Variants in GFM2 observed in about 807,000 individuals in gnomAD.
The protein encoded by GFM2 is ribosome-releasing factor 2, mitochondrial.
Under a neutral mutation model 95.4 loss-of-function variants are expected in GFM2, and 72 were observed. The observed-to-expected ratio is 0.76, with a 90% CI of 0.62 to 0.92. GFM2 has a LOEUF of 0.92. Among genes scored for constraint, GFM2 ranks in the 40% least tolerant of loss-of-function variants. GFM2 has a pLI of 0.00. For synonymous variants in GFM2, 276 were observed against 317.5 expected (o/e 0.87, Z 1.39); for missense variants, 825 against 924.1 (o/e 0.89, Z 1.39).
chr5:74,722,525 G>C lies in GFM2; in HGVS notation c.2065C>G (p.Leu689Val), dbSNP rs779181943. 1 of 1,613,750 alleles carries C rather than the reference G, an allele frequency of 6.2e-7. No individual in the cohort carries two copies. Among genetic ancestry groups the C allele is most frequent in the South Asian group, 1.1e-5 (1 of 91,000 alleles). ...GCTACTGTAACCTCAAGATTCATCA[G>C]AGGCTCCAAAACTTGCTTATCAGCT... is the stretch of plus-strand genomic sequence containing the variant. ...KKADKQVLEPLMNLEVTVARD... is the reference protein window; with the variant it reads ...KKADKQVLEPVMNLEVTVARD... The change falls in exon 20 of 21, where the codon CTG (leucine) becomes GTG (valine). Residue 689 changes from leucine to valine, a missense_variant. By Grantham distance (32) the Leu-to-Val change is conservative. Coordinates refer to ENST00000296805, the MANE Select transcript of GFM2 (RefSeq NM_032380.5).
intron 12 of GFM2, among the ~76,000 whole-genome samples, chr5:74,739,176 A>G (rs367729665): frequency 6.6e-6 from 1 of 152,160 alleles, no homozygotes; most frequent in Non-Finnish European, 1.5e-5. Flanking sequence ...GGAGAGCTCC[A>G]TATTTTCATT....
intron 19 of GFM2, 150 bp downstream of exon 19, chr5:74,725,490 G>T: frequency 1.9e-6 from 1 of 521,892 alleles, no homozygotes; most frequent in Non-Finnish European, 3.4e-6. Flanking sequence ...AGAAATCAGA[G>T]ATTCTCCATG....
At chr5:74,731,357 G>A (rs147934999) in intron 16 of GFM2, among the ~76,000 whole-genome samples, 4 of 152,124 alleles carry the variant, frequency 2.6e-5, no homozygotes, top group East Asian at 1.9e-4. Flanking sequence ...AGGTATTAGC[G>A]TATTAGCTTG....
intron 5 of GFM2, among the ~76,000 whole-genome samples, chr5:74,752,492 C>G (rs935376337): frequency 3.3e-5 from 5 of 152,102 alleles, no homozygotes; most frequent in African/African-American, 9.7e-5. Context: ...TCAAATATAA[C>G]TCTATGTTAA....
At chr5:74,736,281 G>T in intron 15 of GFM2, 1 of 658,600 alleles carries the variant, frequency 1.5e-6, no homozygotes, top group Non-Finnish European at 1.9e-6. Flanking sequence ...ACACTAAAGA[G>T]TTTGGGTGTG....
In GFM2 at chr5:74,730,407, CA is replaced by C. The variant is rs749745661; in HGVS notation, c.1588-10del. The C allele has an allele frequency of 3.2e-6, 5 of 1,555,112 alleles. No homozygotes were observed. In the Admixed American group the frequency reaches 6.1e-5, roughly 19 times the overall value. On this transcript the variant is annotated splice_polypyrimidine_tract_variant and intron_variant, in intron 16 of 20. Coordinates refer to ENST00000296805, the MANE Select transcript of GFM2 (RefSeq NM_032380.5). Reference sequence around the variant, plus strand: ...ATACCACACAGAACAGTCTGGTTACCAGAGGAATGAAATAAAAGATTAAGGG... The same window carrying C: ...ATACCACACAGAACAGTCTGGTTACCGAGGAATGAAATAAAAGATTAAGGG...
chr5:74,724,868 T>G (rs1750075821), intron 19 of GFM2, among the ~76,000 whole-genome samples: 1 of 152,116 alleles, frequency 6.6e-6, no homozygotes, highest in Admixed American at 6.6e-5. Flanking sequence ...GAATCAGCAT[T>G]CAGCATACCA....
intron 5 of GFM2, among the ~76,000 whole-genome samples, chr5:74,758,339 G>A (rs899831852): frequency 2.6e-5 from 4 of 152,136 alleles, no homozygotes; most frequent in Admixed American, 6.5e-5. Context: ...TGGAGATACC[G>A]AACTCTGGGC....
At chr5:74,766,476 G>C (rs892446023) in intron 1 of GFM2, among the ~76,000 whole-genome samples, 1 of 152,182 alleles carries the variant, frequency 6.6e-6, no homozygotes, top group Non-Finnish European at 1.5e-5. Context: ...GGGTAAACCT[G>C]ATAGTGTATT....
chr5:74,723,058 G>A (rs2112200690), intron 19 of GFM2, among the ~76,000 whole-genome samples: 1 of 152,204 alleles, frequency 6.6e-6, no homozygotes, highest in Non-Finnish European at 1.5e-5. Flanking sequence ...AACTGAAAAT[G>A]TCTTTCAGAA....
intron 17 of GFM2, 106 bp from the exon 18 acceptor site, chr5:74,726,232 T>TA (rs1750142519): frequency 1.4e-6 from 1 of 717,410 alleles, no homozygotes; most frequent in Admixed American, 2.7e-5. Flanking sequence ...TCATACAAGA[T>TA]AAAGTGGGAG....
In GFM2 at chr5:74,758,949, G is replaced by A; in HGVS notation, c.207-3C>T. 6.3e-7 allele frequency: 1 copy of A among 1,575,520 alleles called. No homozygotes were observed. ...CCATAATTCCAATATTACGGATTCT[G>A]TTTAAAAGGAAAAAATAAGGTAAAC... On this transcript the variant is annotated splice_region_variant and splice_polypyrimidine_tract_variant and intron_variant, in intron 4 of 20. Transcript: ENST00000296805.
intron 14 of GFM2, among the ~76,000 whole-genome samples, chr5:74,737,293 G>A (rs769949620): frequency 5.3e-5 from 8 of 152,140 alleles, no homozygotes; most frequent in Non-Finnish European, 1.0e-4. Context: ...GACAAGACAG[G>A]TTAGGGAGAA....
chr5:74,724,428 A>C (rs2112206133), intron 19 of GFM2, among the ~76,000 whole-genome samples: 1 of 151,780 alleles, frequency 6.6e-6, no homozygotes, highest in Middle Eastern at 3.4e-3. Context: ...GCTTGAGCCC[A>C]GGAGTTCAAG....
At chr5:74,735,382 G>T (rs529589563) in intron 15 of GFM2, among the ~76,000 whole-genome samples, 5 of 152,230 alleles carry the variant, frequency 3.3e-5, no homozygotes, top group African/African-American at 1.2e-4. Context: ...ACTGGGCTAG[G>T]GATCTTCCTT....
chr5:74,752,805 T>C (rs976308054), intron 5 of GFM2, among the ~76,000 whole-genome samples: 1 of 152,126 alleles, frequency 6.6e-6, no homozygotes, highest in African/African-American at 2.4e-5. Context: ...CAAAAACACA[T>C]GGACAATCAC....
rs909439756 is a variant in GFM2 at position 74,761,888 on chromosome 5, C to T, written c.64-902G>A. ...AATCTGCTTTTTGTTTCATGAACTG[C>T]GTATCTGTGCGATCTATATTATTTC... On this transcript the variant is annotated intron_variant, in intron 2 of 20. Coordinates refer to ENST00000296805, the MANE Select transcript of GFM2 (RefSeq NM_032380.5). 2.6e-5 allele frequency among the ~76,000 whole-genome samples: 4 copies of T among 152,150 alleles called. No individual in the cohort carries two copies. The East Asian group carries it at 5.8e-4, about 22-fold the overall frequency.
At chr5:74,737,927 C>T (rs892850452) in intron 14 of GFM2, among the ~76,000 whole-genome samples, 1 of 152,050 alleles carries the variant, frequency 6.6e-6, no homozygotes, top group African/African-American at 2.4e-5. Flanking sequence ...GCTTTACTAA[C>T]AAAACATTAT....
rs969300233 is a variant in GFM2, at chr5:74,735,304, G to A, written c.1510+1492C>T. Among the ~76,000 whole-genome samples, 7 of 152,304 alleles carry A rather than the reference G, an allele frequency of 4.6e-5. No homozygotes were observed. In the South Asian group the frequency reaches 1.4e-3, roughly 32 times the overall value. On this transcript the variant is annotated intron_variant, in intron 15 of 20. Coordinates refer to ENST00000296805, the MANE Select transcript of GFM2 (RefSeq NM_032380.5). ...TCAGTTTCCTTCAGTACTGGGGGCT[G>A]TCTTACATCTATATTCAGATTTCTT...
Sources: allele counts gnomAD v4.1 joint callset (sites outside exome capture counted in the v4.1 genomes callset), GRCh38; gene constraint gnomAD v4.1.1; transcripts MANE v1.5; gene names NCBI Gene and HGNC (gene_info 2026-07-23, HGNC 2026-07-21).